Variants in FRMD3 observed in about 807,000 individuals in gnomAD.
FRMD3 encodes FERM domain containing 3.
Under a neutral mutation model 70.2 loss-of-function variants are expected in FRMD3, and 33 were observed. The ratio of observed to expected loss-of-function variants is 0.47; its 90% CI spans 0.36 to 0.63. FRMD3 has a LOEUF of 0.63. Among genes scored for constraint, FRMD3 ranks in the 20% least tolerant of loss-of-function variants. The probability of loss-of-function intolerance (pLI) is 0.00; values close to 1 mark genes in which losing one functional copy is unlikely to be tolerated. For synonymous variants in FRMD3, 279 were observed against 255.9 expected (o/e 1.09, Z -0.86); for missense variants, 632 against 711.4 (o/e 0.89, Z 1.27).
Position 83,246,958 on chromosome 9 carries a change from A to G in FRMD3, c.*960T>C, listed in dbSNP as rs1832135696. On this transcript the variant is annotated 3_prime_UTR_variant, in exon 14 of 14. Transcript: ENST00000304195. ...GCCACTTTCCATTTCTCCAGTTCCT[A>G]TCTGCCTTCACTCTTGGGTTAATGT... The G allele has an allele frequency of 1.0e-6, 1 of 985,258 alleles. No individual in the cohort carries two copies. Among genetic ancestry groups the G allele is most frequent in the African/African-American group, 1.7e-5 (1 of 57,210 alleles). The allele number at this position is 985,258 out of a possible 1,614,324, so 61.0% of individuals were successfully genotyped here. A position where few individuals can be genotyped will look rare whatever the true frequency, so the allele number is the denominator to read the frequency against.
At chr9:83,458,189 T>C (rs527680632) in intron 1 of FRMD3, among the ~76,000 whole-genome samples, 1 of 152,282 alleles carries the variant, frequency 6.6e-6, no homozygotes, top group African/African-American at 2.4e-5. Flanking sequence ...TACTGATTAA[T>C]AGATGATAAG....
chr9:83,524,032 C>T (rs1407226063), intron 1 of FRMD3, among the ~76,000 whole-genome samples: 2 of 152,234 alleles, frequency 1.3e-5, no homozygotes, highest in Non-Finnish European at 2.9e-5. Flanking sequence ...TCTGCCTAAG[C>T]CTTCAAAACA....
chr9:83,496,467 T>C (rs1230488802), intron 1 of FRMD3, among the ~76,000 whole-genome samples: 1 of 152,286 alleles, frequency 6.6e-6, no homozygotes, highest in Non-Finnish European at 1.5e-5. Context: ...ACTACCCCAA[T>C]GTTTTAAAAA....
rs552998819 is a variant in FRMD3, at chr9:83,307,733, T to C, written c.926+1803A>G. On this transcript the variant is annotated intron_variant, in intron 10 of 13. Transcript: ENST00000304195. ...ATATTCTGGAATTAGATAGTGATAA[T>C]GGCTATATCACTTTGTGAATTACAC... 7.9e-5 allele frequency among the ~76,000 whole-genome samples: 12 copies of C among 152,310 alleles called. No homozygotes were observed. The South Asian group carries it at 1.7e-3, about 21-fold the overall frequency.
At chr9:83,529,626 T>C (rs1829754249) in intron 1 of FRMD3, among the ~76,000 whole-genome samples, 1 of 152,114 alleles carries the variant, frequency 6.6e-6, no homozygotes, top group Admixed American at 6.6e-5. Flanking sequence ...ACATCACAAA[T>C]ACAAGCAACA....
intron 1 of FRMD3, among the ~76,000 whole-genome samples, chr9:83,482,185 T>A (rs571533257): frequency 2.0e-4 from 31 of 152,352 alleles, no homozygotes; most frequent in South Asian, 1.2e-3. Flanking sequence ...GAACTCCTAC[T>A]GGGTACATTT....
At chr9:83,561,697 A>C in the FRMD3 span, among the ~76,000 whole-genome samples, 1 of 152,242 alleles carries the variant, frequency 6.6e-6, no homozygotes, top group Non-Finnish European at 1.5e-5. Flanking sequence ...CTGGCTTTTA[A>C]AGCTGCTGAC....
intron 1 of FRMD3, among the ~76,000 whole-genome samples, chr9:83,400,196 A>G (rs1825914757): frequency 6.6e-6 from 1 of 152,188 alleles, no homozygotes; most frequent in African/African-American, 2.4e-5. Flanking sequence ...AATAAATGCA[A>G]TGTTGCAGGA....
chr9:83,325,657 AT>A (rs1376847185), intron 6 of FRMD3, among the ~76,000 whole-genome samples: 1 of 152,128 alleles, frequency 6.6e-6, no homozygotes, highest in Non-Finnish European at 1.5e-5. Context: ...ACTTTTTCAA[AT>A]TCTAAACATT....
chr9:83,289,521 C>T lies in FRMD3; in HGVS notation c.1195+1082G>A, dbSNP rs1398929154. Among the ~76,000 whole-genome samples the T allele has an allele frequency of 3.9e-5, 6 of 152,232 alleles. No homozygotes were observed. The East Asian group carries it at 1.2e-3, about 29-fold the overall frequency. ...ATTTACTAGAATTTTTTATGTGTCA[C>T]TGCAAATTGGTTGCTGCTACCTATC... On this transcript the variant is annotated intron_variant, in intron 13 of 13. Coordinates refer to ENST00000304195, the MANE Select transcript of FRMD3 (RefSeq NM_174938.6).
At chr9:83,507,563 G>C (rs1350346721) in intron 1 of FRMD3, among the ~76,000 whole-genome samples, 1 of 144,950 alleles carries the variant, frequency 6.9e-6, no homozygotes, top group Non-Finnish European at 1.5e-5. Flanking sequence ...CCAGTTACTT[G>C]GGAGGCTGAG....
chr9:83,464,616 A>G (rs1458053925), intron 1 of FRMD3, among the ~76,000 whole-genome samples: 1 of 152,172 alleles, frequency 6.6e-6, no homozygotes, highest in Non-Finnish European at 1.5e-5. Context: ...CAGAGAGGCA[A>G]TTTAATGACC....
At chr9:83,329,051 G>A (rs1292475408) in intron 6 of FRMD3, among the ~76,000 whole-genome samples, 3 of 151,988 alleles carry the variant, frequency 2.0e-5, no homozygotes, top group East Asian at 1.9e-4. Flanking sequence ...TAAGGTCATC[G>A]TAGCTAGATT....
At chr9:83,461,570 C>A (rs1384887322) in intron 1 of FRMD3, among the ~76,000 whole-genome samples, 1 of 149,914 alleles carries the variant, frequency 6.7e-6, no homozygotes, top group Non-Finnish European at 1.5e-5. Context: ...GGTGGGAGGT[C>A]CAAGAAAAAG....
chr9:83,423,085 C>G (rs768708958), intron 1 of FRMD3, among the ~76,000 whole-genome samples: 2 of 152,136 alleles, frequency 1.3e-5, no homozygotes, highest in Non-Finnish European at 2.9e-5. Flanking sequence ...AAAAAAGCAC[C>G]AATTTCGATA....
intron 3 of FRMD3, among the ~76,000 whole-genome samples, chr9:83,364,254 A>C (rs1235649145): frequency 1.3e-5 from 2 of 152,220 alleles, no homozygotes; most frequent in African/African-American, 2.4e-5. Flanking sequence ...TCATTCAACA[A>C]ATATTTACTA....
At chr9:83,444,451 T>G (rs1827397548) in intron 1 of FRMD3, among the ~76,000 whole-genome samples, 1 of 152,210 alleles carries the variant, frequency 6.6e-6, no homozygotes, top group African/African-American at 2.4e-5. Flanking sequence ...CTCCTCCTCT[T>G]CAAATCTTTC....
chr9:83,565,812 C>A, the FRMD3 span, among the ~76,000 whole-genome samples: 12 of 152,170 alleles, frequency 7.9e-5, no homozygotes, highest in African/African-American at 2.9e-4. Context: ...TTAGGCAATA[C>A]GGCAGGCCAG....
intron 10 of FRMD3, among the ~76,000 whole-genome samples, chr9:83,305,047 C>T (rs772121372): frequency 2.6e-5 from 4 of 152,198 alleles, no homozygotes; most frequent in South Asian, 2.1e-4. Context: ...GCAGAGGCCC[C>T]GGGCCTCCCC....
Sources: allele counts gnomAD v4.1 joint callset (sites outside exome capture counted in the v4.1 genomes callset), GRCh38; gene constraint gnomAD v4.1.1; transcripts MANE v1.5; gene names NCBI Gene and HGNC (gene_info 2026-07-23, HGNC 2026-07-21).